Variants in ABCC1 observed in about 807,000 individuals in gnomAD.
ABCC1 encodes the protein multidrug resistance-associated protein 1.
In ABCC1, 83 loss-of-function variants were observed where a neutral mutation model predicts 172.9. The ratio of observed to expected loss-of-function variants is 0.48; its 90% CI spans 0.40 to 0.58. ABCC1 has a LOEUF of 0.58. Ranked by LOEUF, ABCC1 falls within the 20% of genes least tolerant of loss-of-function variation. The probability of loss-of-function intolerance (pLI) is 0.00; values close to 1 mark genes in which losing one functional copy is unlikely to be tolerated. For synonymous variants in ABCC1, 937 were observed against 825.2 expected, an observed-to-expected ratio of 1.14 and a Z score of -2.32; for missense variants, 1,817 against 2,002.7, an observed-to-expected ratio of 0.91 and a Z score of 1.77.
chr16:15,976,118 A>G (rs1036260033), intron 1 of ABCC1, among the ~76,000 whole-genome samples: 12 of 151,990 alleles, frequency 7.9e-5, no homozygotes, highest in East Asian at 3.9e-4. Context: ...TATAAAATCA[A>G]TCAGGCGTGG....
intron 1 of ABCC1, among the ~76,000 whole-genome samples, chr16:15,973,528 T>C (rs932064628): frequency 3.9e-5 from 6 of 152,176 alleles, no homozygotes; most frequent in Admixed American, 6.5e-5. Flanking sequence ...CCAGGAGTTA[T>C]ATACAAGCCA....
chr16:16,093,295 C>T (rs2051326722), intron 19 of ABCC1, among the ~76,000 whole-genome samples: 1 of 152,000 alleles, frequency 6.6e-6, no homozygotes, highest in East Asian at 1.9e-4. Flanking sequence ...AATCTTTTGC[C>T]CAGCGTGAGG....
intron 12 of ABCC1, among the ~76,000 whole-genome samples, chr16:16,066,577 G>A (rs1174133643): frequency 6.6e-6 from 1 of 152,084 alleles, no homozygotes; most frequent in Non-Finnish European, 1.5e-5. Context: ...AGTCTATCAT[G>A]TAGATACATG....
chr16:16,062,069 G>C (rs1460182796), intron 12 of ABCC1, among the ~76,000 whole-genome samples: 3 of 152,146 alleles, frequency 2.0e-5, no homozygotes, highest in African/African-American at 7.2e-5. Context: ...CACTGCACCT[G>C]GCCTTGATGG....
chr16:16,118,153 C>T (rs151275113), intron 23 of ABCC1, among the ~76,000 whole-genome samples: 13 of 152,224 alleles, frequency 8.5e-5, no homozygotes, highest in Admixed American at 3.3e-4. Flanking sequence ...AAGGATTAAC[C>T]GCAGCACAAT....
At chr16:15,967,493 A>G (rs1018721485) in intron 1 of ABCC1, among the ~76,000 whole-genome samples, 1 of 151,836 alleles carries the variant, frequency 6.6e-6, no homozygotes, top group Non-Finnish European at 1.5e-5. Context: ...GTCTGATCCC[A>G]GCACTTAGTG....
At chr16:16,055,625 G>A (rs62031982) in intron 11 of ABCC1, among the ~76,000 whole-genome samples, 6,854 of 152,128 alleles carry the variant, frequency 0.045, 167 homozygotes, top group Middle Eastern at 0.13. Context: ...GGTCAGCAGA[G>A]TAGGGACTGA....
At chr16:16,031,333 G>T (rs1022588266) in intron 5 of ABCC1, among the ~76,000 whole-genome samples, 1 of 152,126 alleles carries the variant, frequency 6.6e-6, no homozygotes, top group East Asian at 1.9e-4. Flanking sequence ...GCTAAAGCTT[G>T]TGTTTCAGAA....
At chr16:16,087,739 G>C (rs780164161) in intron 18 of ABCC1, among the ~76,000 whole-genome samples, 1 of 152,182 alleles carries the variant, frequency 6.6e-6, no homozygotes, top group Non-Finnish European at 1.5e-5. Flanking sequence ...GATTACAGGC[G>C]TGAGCCACCA....
chr16:16,042,608 C>A (rs1006904690), intron 7 of ABCC1, among the ~76,000 whole-genome samples: 1 of 151,132 alleles, frequency 6.6e-6, no homozygotes, highest in African/African-American at 2.4e-5. Context: ...GAGGCTGAGG[C>A]AGGAGAATCG....
intron 27 of ABCC1, among the ~76,000 whole-genome samples, chr16:16,133,496 T>C (rs1487191791): frequency 6.6e-6 from 1 of 152,028 alleles, no homozygotes; most frequent in African/African-American, 2.4e-5. Flanking sequence ...CTCCGTCCCC[T>C]GGGTTCAAGT....
chr16:16,092,664 A>T (rs759455452), intron 19 of ABCC1, among the ~76,000 whole-genome samples: 2 of 152,160 alleles, frequency 1.3e-5, no homozygotes, highest in African/African-American at 4.8e-5. Context: ...ACTCTTGTGA[A>T]TACTGCTGTC....
chr16:15,952,821 G>A (rs2045906731), intron 1 of ABCC1, among the ~76,000 whole-genome samples: 1 of 148,284 alleles, frequency 6.7e-6, no homozygotes, highest in Admixed American at 6.8e-5. Context: ...CTTGAGGTCA[G>A]GAGTTCGAGA....
intron 24 of ABCC1, among the ~76,000 whole-genome samples, chr16:16,124,349 G>T (rs1266345390): frequency 8.9e-6 from 1 of 112,910 alleles, no homozygotes; most frequent in African/African-American, 3.4e-5. Context: ...GTGTGTGTGT[G>T]ATTATAGGAG....
chr16:16,010,003 A>T, intron 3 of ABCC1, 102 bp downstream of exon 3: 1 of 538,562 alleles, frequency 1.9e-6, no homozygotes, highest in Non-Finnish European at 2.7e-6. Flanking sequence ...TAAGGCAATG[A>T]TCAGCTGGAG....
intron 1 of ABCC1, among the ~76,000 whole-genome samples, chr16:15,990,673 A>G (rs1269640768): frequency 2.0e-5 from 3 of 151,264 alleles, no homozygotes; most frequent in African/African-American, 4.9e-5. Context: ...TTTTTTAGAC[A>G]GAGTCTTGCT....
At chr16:16,075,893 C>T (rs2050542838) in intron 14 of ABCC1, among the ~76,000 whole-genome samples, 1 of 152,176 alleles carries the variant, frequency 6.6e-6, no homozygotes, top group Non-Finnish European at 1.5e-5. Context: ...ATGCTGGCCA[C>T]CCCAGTGGAG....
chr16:16,115,377 CAG>C (rs45497995), intron 23 of ABCC1, among the ~76,000 whole-genome samples: 1,609 of 152,064 alleles, frequency 0.011, 23 homozygotes, highest in African/African-American at 0.037. Context: ...TTTCTTGAGA[CAG>C]AGTCTCGCTC....
chr16:16,044,668 C>G lies in ABCC1; in HGVS notation c.1028C>G (p.Pro343Arg), dbSNP rs749166736. ...AIHDLMMFSG[P>R]QILKLLIKFV... ...CACGACCTGATGATGTTTTCCGGGC[C>G]GCAGATCTTAAAGTAAGACCCCTTC... Residue 343 changes from proline to arginine, a missense_variant, in exon 8 of 31, where the codon CCG (proline) becomes CGG (arginine). By Grantham distance (103) the Pro-to-Arg change is moderately radical (BLOSUM62 -2). Around this residue, in one of 3 missense-constraint regions of ABCC1, gnomAD observed 1,412 missense variants for 1,600.3 expected, o/e 0.88. Coordinates refer to ENST00000399410, the MANE Select transcript of ABCC1 (RefSeq NM_004996.4). 2 of 1,613,928 alleles carry G rather than the reference C, an allele frequency of 1.2e-6. No individual in the cohort carries two copies. Among genetic ancestry groups the G allele is most frequent in the Non-Finnish European group, 1.7e-6 (2 of 1,179,982 alleles).
Sources: gnomAD v4.1 joint callset for allele counts (sites outside exome capture counted in the v4.1 genomes callset) on GRCh38, gnomAD v4.1.1 for gene constraint, gnomAD v4.1.1 regional missense constraint, MANE v1.5 for transcripts, NCBI Gene and HGNC (gene_info 2026-07-23, HGNC 2026-07-21) for gene names.